The following PPP1R9B variants were observed in gnomAD, a reference collection of about 807,000 sequenced individuals.
The protein encoded by PPP1R9B is protein phosphatase 1 regulatory subunit 9B.
In PPP1R9B, 17 loss-of-function variants were observed where a neutral mutation model predicts 75.8. The ratio of observed to expected loss-of-function variants is 0.22; its 90% confidence interval spans 0.15 to 0.34. The LOEUF (loss-of-function observed/expected upper bound fraction) is 0.34. Among genes scored for constraint, PPP1R9B ranks in the 10% least tolerant of loss-of-function variants. PPP1R9B has a pLI of 1.00. For synonymous variants in PPP1R9B, 509 were observed against 535.4 expected (o/e 0.95, Z 0.68); for missense variants, 875 against 1,196.0 (o/e 0.73, Z 3.96).
rs1912481861 is a variant in PPP1R9B at position 50,145,103 on chromosome 17, G to T, written c.1504+10C>A. On this transcript the variant is annotated intron_variant, in intron 2 of 9. Coordinates refer to ENST00000612501, the MANE Select transcript of PPP1R9B (RefSeq NM_032595.5). ...CTGTGCGCAAGTGACGTGGCCTCCT[G>T]GCCTCTCACCCTTCTCCAGCTCCAC... The T allele has an allele frequency of 6.2e-7, 1 of 1,613,368 alleles. No individual in the cohort carries two copies. Among genetic ancestry groups the T allele is most frequent in the African/African-American group, 1.3e-5 (1 of 74,910 alleles).
Position 50,135,447 on chromosome 17 carries a change from G to GC in PPP1R9B, c.2401-64dup, listed in dbSNP as rs201952764. 3,199 of 1,581,874 alleles carry GC rather than the reference G, an allele frequency of 2.0e-3. 58 individuals are homozygous for GC. The African/African-American group carries it at 0.038, about 19-fold the overall frequency. ...ACCAGGCATGATCCCAGCCCCTTCC[G>GC]CCCCCCGGTGAGGACATGGCATCCC... On this transcript the variant is annotated intron_variant, in intron 9 of 9. Coordinates refer to ENST00000612501, the MANE Select transcript of PPP1R9B (RefSeq NM_032595.5).
intron 2 of PPP1R9B, 119 bp downstream of exon 2, chr17:50,144,994 G>A: frequency 1.6e-6 from 2 of 1,287,470 alleles, no homozygotes; most frequent in African/African-American, 1.5e-5. Context: ...CTGAGTCAGA[G>A]GGAGAGGCCC....
chr17:50,149,004 G>T lies in PPP1R9B; in HGVS notation c.1371+139C>A. On this transcript the variant is annotated intron_variant, in intron 1 of 9. Coordinates refer to ENST00000612501, the MANE Select transcript of PPP1R9B (RefSeq NM_032595.5). The surrounding 1 kb of genome is among the most constrained non-coding windows in gnomAD (Gnocchi z 7.2). ...CTGGAACTCCCCCACGCCCCCCTGA[G>T]GGTGGGAACTTCTGGGAAGGGGGCT... 1.7e-6 allele frequency: 1 copy of T among 582,716 alleles called. No homozygotes were observed. The highest frequency in any genetic ancestry group is 2.8e-5 in the South Asian group (1 of 35,790). 36.1% of individuals were successfully genotyped at this position (582,716 alleles called of 1,614,324 possible). A position where few individuals can be genotyped will look rare whatever the true frequency, so the allele number is the denominator to read the frequency against.
chr17:50,144,006 GGCCAGGATGGGGGTA>G (rs571508376), intron 2 of PPP1R9B, among the ~76,000 whole-genome samples: 107 of 152,248 alleles, frequency 7.0e-4, no homozygotes, highest in African/African-American at 2.0e-3. Flanking sequence ...CAGGGCGTGT[GGCCAGGATGGGGGTA>G]GCCAGGATGG....
rs746587027 is a variant in PPP1R9B, at chr17:50,149,544, T to C, written c.970A>G (p.Thr324Ala). Residue 324 changes from threonine (T) to alanine (A), a missense_variant, in exon 1 of 10, where the codon ACG (threonine) becomes GCG (alanine). Thr to Ala is a moderately conservative substitution (Grantham distance 58). Coordinates refer to ENST00000612501, the MANE Select transcript of PPP1R9B (RefSeq NM_032595.5). The surrounding 1 kb of genome is among the most constrained non-coding windows in gnomAD (Gnocchi z 7.2). ...CCATTCTCCAGGGCCGCGTGGACCGTAACCTCGGCCTGGATCACCTCCCCG... is the reference window on the plus strand; with the variant it reads ...CCATTCTCCAGGGCCGCGTGGACCGCAACCTCGGCCTGGATCACCTCCCCG... ...APGEVIQAEVTVHAALENGST... is the reference protein window; with the variant it reads ...APGEVIQAEVAVHAALENGST... 25 of 1,590,598 alleles carry C rather than the reference T, an allele frequency of 1.6e-5. No homozygotes were observed. In the Admixed American group the frequency reaches 4.1e-4, roughly 26 times the overall value.
chr17:50,136,209 A>G lies in PPP1R9B; in HGVS notation c.2074-12T>C, dbSNP rs775339625. On this transcript the variant is annotated splice_polypyrimidine_tract_variant and intron_variant, in intron 7 of 9. Coordinates refer to ENST00000612501, the MANE Select transcript of PPP1R9B (RefSeq NM_032595.5). ...TCCAGGCTCTGCAGCTGAGAGAGAA[A>G]GGCACGGCCCTGGGTTGGTGGGGGC... 2.5e-6 allele frequency: 4 copies of G among 1,597,676 alleles called. No homozygotes were observed. The highest frequency in any genetic ancestry group is 3.4e-6 in the Non-Finnish European group (4 of 1,178,786).
rs761641121 is a variant in PPP1R9B at position 50,149,554 on chromosome 17, C to T, written c.960G>A (p.Gln320=). 1 of 1,589,564 alleles carries T rather than the reference C, an allele frequency of 6.3e-7. No homozygotes were observed. The highest frequency in any genetic ancestry group is 8.5e-7 in the Non-Finnish European group (1 of 1,170,752). ...GGGCCGCGTGGACCGTAACCTCGGC[C>T]TGGATCACCTCCCCGGGCGCCGACT... ...EAESAPGEVI[Q]AEVTVHAALE... is the part of the protein sequence containing the mutation. The change falls in exon 1 of 10, where the codon CAG becomes CAA. Residue 320 remains glutamine, a synonymous_variant. Coordinates refer to ENST00000612501, the MANE Select transcript of PPP1R9B (RefSeq NM_032595.5). The surrounding 1 kb of genome is among the most constrained non-coding windows in gnomAD (Gnocchi z 7.2).
Position 50,149,780 on chromosome 17 carries a change from C to T in PPP1R9B, c.734G>A (p.Ser245Asn). The change falls in exon 1 of 10, where the codon AGC becomes AAC. Residue 245 changes from serine (S) to asparagine (N), a missense_variant. By Grantham distance (46) the Ser-to-Asn change is conservative (BLOSUM62 1). Transcript: ENST00000612501. This position sits in a 1 kb window ranked among gnomAD's most constrained non-coding sequence, Gnocchi z 7.2. Reference sequence around the variant, plus strand: ...GGGCTGGAACACCCGGGACCGCTTGCTGACCAGCTTCGAGTTGACCTGGGG... The same window carrying T: ...GGGCTGGAACACCCGGGACCGCTTGTTGACCAGCTTCGAGTTGACCTGGGG... ...GVPQVNSKLV[S>N]KRSRVFQPPP... is the part of the protein sequence containing the mutation. The T allele has an allele frequency of 3.5e-6, 5 of 1,410,370 alleles. No homozygotes were observed. Among genetic ancestry groups the T allele is most frequent in the Middle Eastern group, 1.8e-4 (1 of 5,424 alleles). The allele number at this position is 1,410,370 out of a possible 1,614,324, so 87.4% of individuals were successfully genotyped here.
At position 50,149,089 on chromosome 17, in the gene PPP1R9B, G is replaced by A. The variant is rs1397300289; in HGVS notation, c.1371+54C>T. ...GCTGGCTGGCTGGCGAGCGGGGGCGGCCGCGTGCACGTGGCAGGGGCGGCG... is the reference window on the plus strand; with the variant it reads ...GCTGGCTGGCTGGCGAGCGGGGGCGACCGCGTGCACGTGGCAGGGGCGGCG... On this transcript the variant is annotated intron_variant, in intron 1 of 9. Coordinates refer to ENST00000612501, the MANE Select transcript of PPP1R9B (RefSeq NM_032595.5). The surrounding 1 kb of genome is among the most constrained non-coding windows in gnomAD (Gnocchi z 7.2). 2.2e-5 allele frequency: 29 copies of A among 1,305,466 alleles called. No homozygotes were observed. The highest frequency in any genetic ancestry group is 1.7e-4 in the Admixed American group (5 of 28,754). 80.9% of individuals were successfully genotyped at this position (1,305,466 alleles called of 1,614,324 possible).
chr17:50,149,210 G>T lies in PPP1R9B; in HGVS notation c.1304C>A (p.Pro435Gln). The T allele has an allele frequency of 6.2e-7, 1 of 1,603,374 alleles. No individual in the cohort carries two copies. The highest frequency in any genetic ancestry group is 2.3e-5 in the East Asian group (1 of 44,232). ...YEPESGCVEI[P>Q]GLSEEEDPAP... ...TGGGTCCTCCTCCTCCGACAGCCCCGGGATCTCCACGCACCCCGACTCGGG... is the reference window on the plus strand; with the variant it reads ...TGGGTCCTCCTCCTCCGACAGCCCCTGGATCTCCACGCACCCCGACTCGGG... Residue 435 changes from proline to glutamine, a missense_variant, in exon 1 of 10, where the codon CCG (proline) becomes CAG (glutamine). Pro to Gln is a moderately conservative substitution (Grantham distance 76). Around this residue, in one of 4 missense-constraint regions of PPP1R9B, gnomAD observed 449 missense variants for 475.0 expected, o/e 0.95. Transcript: ENST00000612501. The surrounding 1 kb of genome is among the most constrained non-coding windows in gnomAD (Gnocchi z 7.2).
rs1309314360 is a variant in PPP1R9B at position 50,139,196 on chromosome 17, G to A, written c.2073+67C>T. The A allele has an allele frequency of 1.9e-6, 3 of 1,572,468 alleles. No individual in the cohort carries two copies. Among genetic ancestry groups the A allele is most frequent in the Non-Finnish European group, 1.8e-6 (2 of 1,142,280 alleles). On this transcript the variant is annotated intron_variant, in intron 7 of 9. Transcript: ENST00000612501. The surrounding 1 kb of genome is among the most constrained non-coding windows in gnomAD (Gnocchi z 5.0). ...AGTGTCAGCATGTGCAGGTGTGAGG[G>A]TAGGGGGACCCTGCTCCTCAACACA... is the stretch of plus-strand genomic sequence containing the variant.
Position 50,143,657 on chromosome 17 carries a change from C to T in PPP1R9B, c.1566G>A (p.Glu522=). ...GMGAGADMGL[E]KLGIFVKTVT... is the part of the protein sequence containing the mutation. ...CGGTCTTGACGAAGATACCCAGCTT[C>T]TCCAGGCCCATGTCTGCCCCGGCGC... Residue 522 remains glutamate, a synonymous_variant, in exon 3 of 10, where the codon GAG becomes GAA. Coordinates refer to ENST00000612501, the MANE Select transcript of PPP1R9B (RefSeq NM_032595.5). 6.2e-7 allele frequency: 1 copy of T among 1,614,054 alleles called. No homozygotes were observed. Among genetic ancestry groups the T allele is most frequent in the Non-Finnish European group, 8.5e-7 (1 of 1,179,902 alleles).
chr17:50,149,711 T>A lies in PPP1R9B; in HGVS notation c.803A>T (p.Glu268Val). 7.1e-7 allele frequency: 1 copy of A among 1,411,972 alleles called. No homozygotes were observed. Among genetic ancestry groups the A allele is most frequent in the South Asian group, 1.5e-5 (1 of 64,578 alleles). The allele number at this position is 1,411,972 out of a possible 1,614,324, so 87.5% of individuals were successfully genotyped here. ...PPAPSGDAPA[E>V]KERCPAGQQP... ...CTGCCCTGCGGGGCATCGCTCTTTC[T>A]CGGCCGGGGCATCCCCCGACGGGGC... The change falls in exon 1 of 10, where the codon GAG (glutamate) becomes GTG (valine). Residue 268 changes from glutamate (E) to valine (V), a missense_variant. Transcript: ENST00000612501. The surrounding 1 kb of genome is among the most constrained non-coding windows in gnomAD (Gnocchi z 7.2).
rs867748681 is a variant in PPP1R9B at position 50,149,227 on chromosome 17, C to T, written c.1287G>A (p.Ser429=). Residue 429 remains serine, a synonymous_variant, in exon 1 of 10, where the codon TCG becomes TCA. Transcript: ENST00000612501. This position sits in a 1 kb window ranked among gnomAD's most constrained non-coding sequence, Gnocchi z 7.2. ...EDGEPPYEPE[S]GCVEIPGLSE... is the part of the protein sequence containing the mutation. ...ACAGCCCCGGGATCTCCACGCACCC[C>T]GACTCGGGCTCGTAGGGGGGCTCCC... 1.9e-6 allele frequency: 3 copies of T among 1,610,148 alleles called. No homozygotes were observed. Among genetic ancestry groups the T allele is most frequent in the Middle Eastern group, 1.6e-4 (1 of 6,070 alleles).
At chr17:50,146,000 G>C (rs1342984916) in intron 1 of PPP1R9B, 1 of 152,764 alleles carries the variant, frequency 6.5e-6, no homozygotes, top group Non-Finnish European at 1.5e-5. Flanking sequence ...AGCTCTCTAA[G>C]TTACGCCCCC....
intron 4 of PPP1R9B, among the ~76,000 whole-genome samples, chr17:50,140,987 G>T (rs1912361519): frequency 6.6e-6 from 1 of 152,132 alleles, no homozygotes; most frequent in African/African-American, 2.4e-5. Context: ...TCAGGGACAG[G>T]TAGGGGGAAG....
chr17:50,148,079 G>C (rs964675458), intron 1 of PPP1R9B, among the ~76,000 whole-genome samples: 11 of 152,034 alleles, frequency 7.2e-5, no homozygotes, highest in African/African-American at 2.7e-4. Flanking sequence ...AACCCTGCAG[G>C]CTGAATGTGC....
intron 1 of PPP1R9B, among the ~76,000 whole-genome samples, chr17:50,148,282 G>A (rs1265324338): frequency 1.3e-5 from 2 of 152,258 alleles, no homozygotes; most frequent in Admixed American, 6.5e-5. Flanking sequence ...CCCTCTTTCA[G>A]GGCTCCCAGA....
chr17:50,139,459 C>A lies in PPP1R9B; in HGVS notation c.1989G>T (p.Glu663Asp). ...TGAACTTGTGCACCAGCTTCTCGGG[C>A]TCCATGTCCACAGGGGACAGTGCAT... ...NEDALSPVDMEPEKLVHKFKE... is the reference protein window; with the variant it reads ...NEDALSPVDMDPEKLVHKFKE... The change falls in exon 6 of 10, where the codon GAG becomes GAT. Residue 663 changes from glutamate (E) to aspartate (D), a missense_variant. Physicochemically the swap from Glu to Asp is conservative, Grantham distance 45. Coordinates refer to ENST00000612501, the MANE Select transcript of PPP1R9B (RefSeq NM_032595.5). This position sits in a 1 kb window ranked among gnomAD's most constrained non-coding sequence, Gnocchi z 5.0. 1.2e-6 allele frequency: 2 copies of A among 1,604,254 alleles called. No homozygotes were observed. Among genetic ancestry groups the A allele is most frequent in the African/African-American group, 1.3e-5 (1 of 74,920 alleles).
Sources: allele counts gnomAD v4.1 joint callset (sites outside exome capture counted in the v4.1 genomes callset), GRCh38; gene constraint gnomAD v4.1.1; regional missense constraint gnomAD v4.1.1; non-coding constraint Gnocchi (gnomAD v3.1); transcripts MANE v1.5; gene names NCBI Gene and HGNC (gene_info 2026-07-23, HGNC 2026-07-21).